The following APOBEC1 variants were observed in gnomAD, a reference collection of about 807,000 sequenced individuals.
APOBEC1 encodes C->U-editing enzyme APOBEC-1.
Under a neutral mutation model 26.3 loss-of-function variants are expected in APOBEC1, and 22 were observed. The observed-to-expected ratio is 0.84, with a 90% confidence interval of 0.60 to 1.19. APOBEC1 has a LOEUF of 1.19. Ranked by LOEUF, APOBEC1 falls within the 50% of genes most tolerant of loss-of-function variation. The pLI is 0.00. For synonymous variants in APOBEC1, 77 were observed against 95.3 expected (o/e 0.81, Z 1.12); for missense variants, 253 against 289.0 (o/e 0.88, Z 0.90).
Position 7,660,375 on chromosome 12 carries a change from G to GGAAGGAAAGAAAGAAA in APOBEC1, c.16+5481_16+5482insTTTCTTTCTTTCCTTC, listed in dbSNP as rs61183510. ...AGGAAGGAAGGAAGGAAGGAAGGAA[G>GGAAGGAAAGAAAGAAA]GAAAGAAAGAAAGAAAGAAAGAAAG... is the stretch of plus-strand genomic sequence containing the variant. On this transcript the variant is annotated intron_variant, in intron 1 of 4. Transcript: ENST00000229304. Among the ~76,000 whole-genome samples, 42 of 23,964 alleles carry GGAAGGAAAGAAAGAAA rather than the reference G, an allele frequency of 1.8e-3. 1 individual carries two copies. Among genetic ancestry groups the GGAAGGAAAGAAAGAAA allele is most frequent in the African/African-American group, 3.8e-3 (30 of 7,934 alleles). 15.7% of individuals were successfully genotyped at this position (23,964 alleles called of 152,430 possible). A position where few individuals can be genotyped will look rare whatever the true frequency, so the allele number is the denominator to read the frequency against.
chr12:7,664,060 G>A (rs1480046118), intron 1 of APOBEC1, among the ~76,000 whole-genome samples: 1 of 151,996 alleles, frequency 6.6e-6, no homozygotes. Flanking sequence ...TCTCCATGTT[G>A]GTCAGGCTGG....
intron 4 of APOBEC1, among the ~76,000 whole-genome samples, chr12:7,650,795 C>T (rs941171817): frequency 9.9e-5 from 15 of 152,206 alleles, no homozygotes; most frequent in Non-Finnish European, 2.1e-4. Flanking sequence ...GTGATCATAG[C>T]TCACTGCAGC....
chr12:7,656,722 G>T (rs1471353306), intron 1 of APOBEC1, among the ~76,000 whole-genome samples: 1 of 152,144 alleles, frequency 6.6e-6, no homozygotes, highest in Non-Finnish European at 1.5e-5. Context: ...TATTCCACAA[G>T]GTTGTCGGAA....
At chr12:7,651,219 G>T in intron 3 of APOBEC1, 78 bp from the exon 4 acceptor site, 1 of 999,352 alleles carries the variant, frequency 1.0e-6, no homozygotes, top group Non-Finnish European at 1.6e-6. Flanking sequence ...CTAGCTTCCC[G>T]TATAGAAAGC....
chr12:7,665,811 C>G (rs746407847), intron 1 of APOBEC1, 46 bp downstream of exon 1: 3 of 1,373,552 alleles, frequency 2.2e-6, no homozygotes, highest in Non-Finnish European at 3.0e-6. Context: ...ACACACCATT[C>G]TTGCATTGTT....
rs776030524 is a variant in APOBEC1 at position 7,654,063 on chromosome 12, C to G, written c.44+542G>C. ...GATAATATATTCCTTAACATGACTTCCCTGTCCTATGTCTGAAAAATGGGC... is the reference window on the plus strand; with the variant it reads ...GATAATATATTCCTTAACATGACTTGCCTGTCCTATGTCTGAAAAATGGGC... On this transcript the variant is annotated intron_variant, in intron 2 of 4. Coordinates refer to ENST00000229304, the MANE Select transcript of APOBEC1 (RefSeq NM_001644.5). Among the ~76,000 whole-genome samples the G allele has an allele frequency of 9.9e-5, 15 of 152,248 alleles. No homozygotes were observed. The South Asian group carries it at 3.1e-3, about 32-fold the overall frequency.
chr12:7,665,912 T>A (rs756768978), upstream of APOBEC1: 1 of 1,613,330 alleles, frequency 6.2e-7, no homozygotes, highest in East Asian at 2.2e-5. Flanking sequence ...GAGTCATAAG[T>A]TGTGCTGATT....
At chr12:7,665,144 G>A (rs1028057357) in intron 1 of APOBEC1, among the ~76,000 whole-genome samples, 1 of 152,124 alleles carries the variant, frequency 6.6e-6, no homozygotes, top group Non-Finnish European at 1.5e-5. Flanking sequence ...AGCCTGAAGT[G>A]TTCTTCCTCT....
chr12:7,661,205 C>CAAA (rs35561148), intron 1 of APOBEC1, among the ~76,000 whole-genome samples: 1 of 89,266 alleles, frequency 1.1e-5, no homozygotes, highest in African/African-American at 4.1e-5. Context: ...GACTCCGTCT[C>CAAA]AAAAAAAAAA....
At chr12:7,660,476 G>A (rs1232690363) in intron 1 of APOBEC1, among the ~76,000 whole-genome samples, 4 of 151,790 alleles carry the variant, frequency 2.6e-5, no homozygotes, top group African/African-American at 9.7e-5. Context: ...GGAGGCCTAG[G>A]TGGGTGGATC....
intron 1 of APOBEC1, among the ~76,000 whole-genome samples, chr12:7,656,779 G>A (rs1208002245): frequency 2.0e-5 from 3 of 152,158 alleles, no homozygotes; most frequent in East Asian, 1.9e-4. Flanking sequence ...GGTGCCTGAC[G>A]CAGCAGATGC....
chr12:7,654,565 T>C (rs1189204668), intron 2 of APOBEC1, 40 bp downstream of exon 2: 1 of 1,605,954 alleles, frequency 6.2e-7, no homozygotes. Context: ...CATTGATTCT[T>C]GATCAAATTA....
chr12:7,668,347 T>C (rs1863917579), upstream of APOBEC1, among the ~76,000 whole-genome samples: 1 of 152,106 alleles, frequency 6.6e-6, no homozygotes, highest in African/African-American at 2.4e-5. Flanking sequence ...AAACAATGTG[T>C]GTCGTTTTAT....
chr12:7,665,776 CA>C, intron 1 of APOBEC1, 80 bp downstream of exon 1: 1 of 1,111,508 alleles, frequency 9.0e-7, no homozygotes. Flanking sequence ...CACACACACA[CA>C]CACACACACA....
intron 1 of APOBEC1, among the ~76,000 whole-genome samples, chr12:7,660,656 A>ATT (rs1240173189): frequency 3.5e-5 from 5 of 143,182 alleles, no homozygotes; most frequent in South Asian, 4.5e-4. Context: ...TGAGCCAAGA[A>ATT]TGTGCCACTG....
At position 7,663,857 on chromosome 12, in the gene APOBEC1, ATT is replaced by A. The variant is rs556111132; in HGVS notation, c.16+1998_16+1999del. 5.3e-3 allele frequency among the ~76,000 whole-genome samples: 779 copies of A among 148,022 alleles called. 3 individuals are homozygous for A. The highest frequency in any genetic ancestry group is 0.018 in the African/African-American group (720 of 40,410). On this transcript the variant is annotated intron_variant, in intron 1 of 4. Transcript: ENST00000229304. ...CCCCCAGTATGCCACTTAAAAAAGA[ATT>A]TTTTTTTTTTTCCCGAGATGGAGTT...
upstream of APOBEC1, among the ~76,000 whole-genome samples, chr12:7,669,592 G>A (rs1468377634): frequency 6.6e-6 from 1 of 152,002 alleles, no homozygotes; most frequent in Non-Finnish European, 1.5e-5. Flanking sequence ...TTTTTATAGG[G>A]ACAGGGTCTC....
At position 7,659,322 on chromosome 12, in the gene APOBEC1, A is replaced by AAAAAT. The variant is rs1555094633; in HGVS notation, c.17-4691_17-4690insATTTT. Among the ~76,000 whole-genome samples the AAAAAT allele has an allele frequency of 5.2e-4, 24 of 46,278 alleles. 1 individual carries two copies. Among genetic ancestry groups the AAAAAT allele is most frequent in the African/African-American group, 2.3e-3 (18 of 7,930 alleles). The allele number at this position is 46,278 out of a possible 152,430, so 30.4% of individuals were successfully genotyped here. ...AAAAAAAAAAAAAAAAAAAAAAAAA[A>AAAAAT]ATATATATATATATATATATATATA... On this transcript the variant is annotated intron_variant, in intron 1 of 4. Transcript: ENST00000229304.
At position 7,660,410 on chromosome 12, in the gene APOBEC1, A is replaced by AGGAAAGAAAGAAAG. The variant is rs1555094957; in HGVS notation, c.16+5446_16+5447insCTTTCTTTCTTTCC. Among the ~76,000 whole-genome samples the AGGAAAGAAAGAAAG allele has an allele frequency of 7.0e-3, 589 of 83,984 alleles. 19 individuals are homozygous for AGGAAAGAAAGAAAG. The highest frequency in any genetic ancestry group is 0.025 in the African/African-American group (549 of 21,542). 55.1% of individuals were successfully genotyped at this position (83,984 alleles called of 152,430 possible). A position where few individuals can be genotyped will look rare whatever the true frequency, so the allele number is the denominator to read the frequency against. The stretch of plus-strand genomic sequence containing the variant: ...AAAGAAAGAAAGAAAGAAAGAAAGA[A>AGGAAAGAAAGAAAG]AGAGAGGGTATTTGGGCCAGGGACA... On this transcript the variant is annotated intron_variant, in intron 1 of 4. Transcript: ENST00000229304.
Sources: allele counts gnomAD v4.1 joint callset (sites outside exome capture counted in the v4.1 genomes callset), GRCh38; gene constraint gnomAD v4.1.1; transcripts MANE v1.5; gene names NCBI Gene and HGNC (gene_info 2026-07-23, HGNC 2026-07-21).